The following LINGO2 variants were observed in gnomAD, a reference collection of about 807,000 sequenced individuals.
The protein encoded by LINGO2 is leucine rich repeat and Ig domain containing 2.
In LINGO2, 14 loss-of-function variants were observed where a neutral mutation model predicts 30.6. The ratio of observed to expected loss-of-function variants is 0.46; its 90% CI spans 0.30 to 0.72. The LOEUF is 0.72. Among genes scored for constraint, LINGO2 ranks in the 30% least tolerant of loss-of-function variants. The pLI, the probability that LINGO2 is intolerant of heterozygous loss-of-function variation, is 0.07. For synonymous variants in LINGO2, 317 were observed against 288.5 expected, an observed-to-expected ratio of 1.10 and a Z score of -1.00; for missense variants, 729 against 751.7, an observed-to-expected ratio of 0.97 and a Z score of 0.35.
At chr9:28,349,155 CT>C (rs1819736293) in intron 3 of LINGO2, among the ~76,000 whole-genome samples, 1 of 152,214 alleles carries the variant, frequency 6.6e-6, no homozygotes, top group African/African-American at 2.4e-5. Flanking sequence ...TGGAAAATGA[CT>C]TTGACGAGCT....
chr9:28,683,455 A>G, the LINGO2 span, among the ~76,000 whole-genome samples: 1 of 152,124 alleles, frequency 6.6e-6, no homozygotes, highest in Non-Finnish European at 1.5e-5. Context: ...TATCACTCTT[A>G]AATCAAGCCT....
chr9:28,972,900 C>T, the LINGO2 span, among the ~76,000 whole-genome samples: 1 of 152,124 alleles, frequency 6.6e-6, no homozygotes, highest in Non-Finnish European at 1.5e-5. Context: ...TCAGTTACCT[C>T]CCACCAGGTC....
the LINGO2 span, among the ~76,000 whole-genome samples, chr9:29,176,151 T>C: frequency 3.3e-5 from 5 of 152,206 alleles, no homozygotes; most frequent in African/African-American, 1.2e-4. Flanking sequence ...TAACAATCCA[T>C]TGGGTAATTA....
chr9:28,053,032 A>G (rs1265188259), intron 4 of LINGO2, among the ~76,000 whole-genome samples: 3 of 152,134 alleles, frequency 2.0e-5, no homozygotes, highest in Non-Finnish European at 4.4e-5. Flanking sequence ...TTCTGTCCTC[A>G]TCAAGTTTAT....
chr9:28,642,834 T>A (rs927327490), intron 1 of LINGO2, among the ~76,000 whole-genome samples: 26 of 152,118 alleles, frequency 1.7e-4, no homozygotes, highest in African/African-American at 6.3e-4. Context: ...AAAACCATTT[T>A]AAATTATTGT....
the LINGO2 span, among the ~76,000 whole-genome samples, chr9:28,857,579 A>G: frequency 6.6e-6 from 1 of 152,034 alleles, no homozygotes; most frequent in African/African-American, 2.4e-5. Context: ...AGATTGGCAA[A>G]GGGGCGTGAG....
intron 4 of LINGO2, among the ~76,000 whole-genome samples, chr9:28,092,201 T>C (rs979449350): frequency 2.0e-5 from 3 of 152,166 alleles, no homozygotes; most frequent in Non-Finnish European, 4.4e-5. Flanking sequence ...ACTGGGTATA[T>C]ACCCAAAGGA....
chr9:29,205,088 T>A, the LINGO2 span, among the ~76,000 whole-genome samples: 1 of 152,218 alleles, frequency 6.6e-6, no homozygotes, highest in African/African-American at 2.4e-5. Flanking sequence ...GTCGCCAGGC[T>A]GGAGTGCAGT....
At chr9:28,890,631 G>C in the LINGO2 span, among the ~76,000 whole-genome samples, 2 of 152,060 alleles carry the variant, frequency 1.3e-5, no homozygotes, top group African/African-American at 4.8e-5. Context: ...GAAGGAAGTA[G>C]ACCCCACTGA....
At chr9:28,615,885 G>A (rs1826111668) in intron 1 of LINGO2, among the ~76,000 whole-genome samples, 1 of 152,040 alleles carries the variant, frequency 6.6e-6, no homozygotes, top group Non-Finnish European at 1.5e-5. Flanking sequence ...CTTGTAAACA[G>A]GAGAGTAAAA....
intron 4 of LINGO2, among the ~76,000 whole-genome samples, chr9:28,204,804 G>T (rs1820355680): frequency 6.6e-6 from 1 of 152,094 alleles, no homozygotes; most frequent in Admixed American, 6.6e-5. Flanking sequence ...GGGATGGGTG[G>T]GCACTTGGTT....
intron 4 of LINGO2, among the ~76,000 whole-genome samples, chr9:28,184,174 A>T (rs909210812): frequency 6.6e-6 from 1 of 152,150 alleles, no homozygotes; most frequent in African/African-American, 2.4e-5. Context: ...ATAGAAGGGG[A>T]GGTCTTAATG....
rs375782916 is a variant in LINGO2, at chr9:28,609,930, T to A, written c.-365+60270A>T. On this transcript the variant is annotated intron_variant, in intron 1 of 5. Transcript: ENST00000379992. ...CTATGAGAAGATTGCTTTATATCCA[T>A]CTACTTGTCATTGAAAGACATATTA... Among the ~76,000 whole-genome samples, 3 of 152,278 alleles carry A rather than the reference T, an allele frequency of 2.0e-5. No homozygotes were observed. In the South Asian group the frequency reaches 6.2e-4, roughly 32 times the overall value.
intron 5 of LINGO2, among the ~76,000 whole-genome samples, chr9:27,973,215 T>C (rs871965): frequency 0.28 from 42,842 of 152,058 alleles, 6,456 homozygotes; most frequent in East Asian, 0.33. Flanking sequence ...TCTGGGGAAT[T>C]CTGACTAAAA....
chr9:29,192,350 T>C, the LINGO2 span, among the ~76,000 whole-genome samples: 1 of 152,214 alleles, frequency 6.6e-6, no homozygotes, highest in African/African-American at 2.4e-5. Context: ...TTTATTATTC[T>C]AAAATTATAC....
intron 3 of LINGO2, among the ~76,000 whole-genome samples, chr9:28,299,107 T>C (rs1824038812): frequency 6.6e-6 from 1 of 152,176 alleles, no homozygotes; most frequent in Non-Finnish European, 1.5e-5. Flanking sequence ...CAAGTTGTTT[T>C]TTATACGTTA....
chr9:29,135,237 A>G, the LINGO2 span, among the ~76,000 whole-genome samples: 3 of 151,942 alleles, frequency 2.0e-5, no homozygotes, highest in Non-Finnish European at 4.4e-5. Context: ...ACATGGGGAA[A>G]TAAAAGCTTC....
At chr9:28,905,184 T>A in the LINGO2 span, among the ~76,000 whole-genome samples, 1 of 147,516 alleles carries the variant, frequency 6.8e-6, no homozygotes, top group East Asian at 2.0e-4. Flanking sequence ...TAGAAGAAAA[T>A]AACAGGGAAG....
At chr9:28,937,219 T>C in the LINGO2 span, among the ~76,000 whole-genome samples, 1 of 151,958 alleles carries the variant, frequency 6.6e-6, no homozygotes, top group East Asian at 1.9e-4. Context: ...TTAAAAGCCT[T>C]AACCCATCCC....
Sources: gnomAD v4.1 joint callset for allele counts (sites outside exome capture counted in the v4.1 genomes callset) on GRCh38, gnomAD v4.1.1 for gene constraint, MANE v1.5 for transcripts, NCBI Gene and HGNC (gene_info 2026-07-23, HGNC 2026-07-21) for gene names.